ATM: variants seen among roughly 807,000 people sequenced by gnomAD.
The protein encoded by ATM is serine-protein kinase ATM.
A neutral mutation model predicts 387.0 loss-of-function variants in ATM; 308 were observed. That is an observed-to-expected ratio of 0.80 (90% CI 0.73 to 0.87). ATM has a LOEUF of 0.87. Among genes scored for constraint, ATM ranks in the 40% least tolerant of loss-of-function variants. ATM has a pLI of 0.00. For synonymous variants in ATM, 1,156 were observed against 1,187.3 expected (o/e 0.97, Z 0.54); for missense variants, 3,312 against 3,560.9 (o/e 0.93, Z 1.78).
chr11:108,259,197 GTGGAAA>G, intron 16 of ATM, 122 bp downstream of exon 16: 1 of 933,590 alleles, frequency 1.1e-6, no homozygotes, highest in Non-Finnish European at 1.7e-6. Context: ...TTTTACAAAT[GTGGAAA>G]TTAAGGCCAG....
chr11:108,272,919 A>G, intron 22 of ATM, 67 bp downstream of exon 22: 1 of 1,594,056 alleles, frequency 6.3e-7, no homozygotes, highest in East Asian at 2.2e-5. Flanking sequence ...CTTACATAGT[A>G]ACAGCTCACA....
intron 45 of ATM, among the ~76,000 whole-genome samples, chr11:108,323,680 T>C (rs1452550763): frequency 6.6e-6 from 1 of 152,178 alleles, no homozygotes; most frequent in Non-Finnish European, 1.5e-5. Context: ...TGTACAACTA[T>C]TATGTATCCA....
chr11:108,247,251 A>C (rs904484842), intron 8 of ATM, 124 bp downstream of exon 8: 1 of 829,382 alleles, frequency 1.2e-6, no homozygotes, highest in African/African-American at 1.7e-5. Flanking sequence ...TGTACATGCA[A>C]CTATTCCTTT....
rs730881379 is a variant in ATM, at chr11:108,317,427, G to C, written c.6253G>C (p.Asp2085His). 1 of 1,612,104 alleles carries C rather than the reference G, an allele frequency of 6.2e-7. No homozygotes were observed. Among genetic ancestry groups the C allele is most frequent in the Non-Finnish European group, 8.5e-7 (1 of 1,179,162 alleles). ...HILSVYLKGL[D>H]YENKDWCPEL... ...TCTTTCCGTCTATTTAAAAGGATTG[G>C]ATTATGAAAATAAAGACTGGTGTCC... Residue 2085 changes from aspartate to histidine, a missense_variant, in exon 43 of 63, where the codon GAT (aspartate) becomes CAT (histidine). Around this residue, in one of 4 missense-constraint regions of ATM, gnomAD observed 1,405 missense variants for 1,604.4 expected, o/e 0.88. Transcript: ENST00000675843.
Position 108,268,535 on chromosome 11 carries a change from G to C in ATM, c.2764G>C (p.Asp922His), listed in dbSNP as rs786201670. 1 of 1,614,090 alleles carries C rather than the reference G, an allele frequency of 6.2e-7. No individual in the cohort carries two copies. The highest frequency in any genetic ancestry group is 1.7e-5 in the Admixed American group (1 of 60,032). ...CAATACTGTGTCCTTTAGGGCAGCTGATATTCGGAGGAAATTGTTAATGTT... is the reference window on the plus strand; with the variant it reads ...CAATACTGTGTCCTTTAGGGCAGCTCATATTCGGAGGAAATTGTTAATGTT... ...QTNTVSFRAA[D>H]IRRKLLMLID... Residue 922 changes from aspartate (D) to histidine (H), a missense_variant, in exon 18 of 63, where the codon GAT (aspartate) becomes CAT (histidine). This residue lies in a region of ATM where 1,791 missense variants were observed against 1,804.5 expected (regional missense o/e 0.99). Transcript: ENST00000675843.
At position 108,303,138 on chromosome 11, in the gene ATM, G is replaced by A. The variant is rs2083515478; in HGVS notation, c.5496+109G>A. 2.6e-6 allele frequency: 3 copies of A among 1,146,892 alleles called. No homozygotes were observed. In the South Asian group the frequency reaches 4.4e-5, roughly 17 times the overall value. The allele number at this position is 1,146,892 out of a possible 1,614,324, so 71.0% of individuals were successfully genotyped here. On this transcript the variant is annotated intron_variant, in intron 36 of 62. Coordinates refer to ENST00000675843, the MANE Select transcript of ATM (RefSeq NM_000051.4). ...ACATAATATCACCCCCACTCAAACT[G>A]TTGTAAATTTATTAAAGTGAGCATC...
chr11:108,345,720 T>A, intron 57 of ATM, 23 bp from the exon 58 acceptor site: 1 of 1,498,576 alleles, frequency 6.7e-7, no homozygotes, highest in Non-Finnish European at 9.1e-7. Context: ...TGAAAAATAA[T>A]TATATATATT....
intron 40 of ATM, 105 bp from the exon 41 acceptor site, chr11:108,315,718 T>C: frequency 1.3e-6 from 1 of 789,000 alleles, no homozygotes; most frequent in Non-Finnish European, 2.2e-6. Flanking sequence ...AACATAACAT[T>C]TAGAGTTGGG....
At chr11:108,262,113 G>A (rs1160336306) in intron 16 of ATM, among the ~76,000 whole-genome samples, 1 of 151,918 alleles carries the variant, frequency 6.6e-6, no homozygotes, top group Non-Finnish European at 1.5e-5. Context: ...CCAACATTCA[G>A]ATTCAGGAAA....
chr11:108,281,256 C>T (rs2082218019), intron 24 of ATM, 88 bp downstream of exon 24: 3 of 1,352,500 alleles, frequency 2.2e-6, no homozygotes, highest in Non-Finnish European at 3.2e-6. Context: ...CTGAGTGGCA[C>T]TTATTTAAGA....
intron 23 of ATM, among the ~76,000 whole-genome samples, chr11:108,280,206 T>C (rs1057114442): frequency 1.8e-4 from 27 of 152,118 alleles, no homozygotes; most frequent in African/African-American, 6.5e-4. Context: ...TTTCAATAGA[T>C]TAGAAAGATA....
At chr11:108,261,335 G>A (rs538357378) in intron 16 of ATM, among the ~76,000 whole-genome samples, 7 of 152,274 alleles carry the variant, frequency 4.6e-5, no homozygotes, top group East Asian at 1.9e-4. Context: ...CCTGACCCCC[G>A]AACAGCCTAA....
intron 24 of ATM, 141 bp downstream of exon 24, chr11:108,281,309 C>A: frequency 1.2e-6 from 1 of 854,640 alleles, no homozygotes; most frequent in Admixed American, 2.3e-5. Flanking sequence ...TATTGGAAAG[C>A]AGTTATACAA....
Position 108,319,910 on chromosome 11 carries a change from G to A in ATM, c.6348-44G>A, listed in dbSNP as rs773946086. 7.3e-7 allele frequency: 1 copy of A among 1,361,786 alleles called. No individual in the cohort carries two copies. The highest frequency in any genetic ancestry group is 1.2e-5 in the South Asian group (1 of 85,514). 84.4% of individuals were successfully genotyped at this position (1,361,786 alleles called of 1,614,324 possible). On this transcript the variant is annotated intron_variant, in intron 43 of 62. Transcript: ENST00000675843. ...AGCTATTTATACATGTATATCTTAG[G>A]GTTCTGTTTTTAAGTATATTTTTTT...
At chr11:108,267,100 T>A in intron 16 of ATM, 71 bp from the exon 17 acceptor site, 1 of 1,485,448 alleles carries the variant, frequency 6.7e-7, no homozygotes, top group South Asian at 1.2e-5. Context: ...CCAGCCTGAT[T>A]AGGTAAATTT....
chr11:108,365,761 C>G lies in ATM; in HGVS notation c.*253C>G, dbSNP rs1376021171. The G allele has an allele frequency of 6.0e-6, 3 of 502,050 alleles. No individual in the cohort carries two copies. The Admixed American group carries it at 1.0e-4, about 17-fold the overall frequency. The allele number at this position is 502,050 out of a possible 1,614,324, so 31.1% of individuals were successfully genotyped here. A position where few individuals can be genotyped will look rare whatever the true frequency, so the allele number is the denominator to read the frequency against. On this transcript the variant is annotated 3_prime_UTR_variant, in exon 63 of 63. Coordinates refer to ENST00000675843, the MANE Select transcript of ATM (RefSeq NM_000051.4). ...GGGCGCAGCGGCTCACGCCTGTAAT[C>G]CCAGCACTTTGGGAGGCCGAGGTGA...
rs730881290 is a variant in ATM at position 108,292,596 on chromosome 11, GT to G, written c.4437-14del. 1.0e-5 allele frequency: 16 copies of G among 1,567,888 alleles called. No homozygotes were observed. The highest frequency in any genetic ancestry group is 1.7e-4 in the Middle Eastern group (1 of 5,932). ...TTTCCAGAACTTACTGGTTGTTGTT[GT>G]TTTTTTTTCTCCCTATATTAGGCCT... On this transcript the variant is annotated intron_variant, in intron 29 of 62. Coordinates refer to ENST00000675843, the MANE Select transcript of ATM (RefSeq NM_000051.4).
intron 26 of ATM, among the ~76,000 whole-genome samples, chr11:108,286,678 A>G (rs1404978085): frequency 6.6e-6 from 1 of 152,154 alleles, no homozygotes; most frequent in East Asian, 1.9e-4. Flanking sequence ...GAGCATGGAA[A>G]GTTGGGGTTT....
intron 56 of ATM, among the ~76,000 whole-genome samples, chr11:108,341,994 A>C (rs1041340599): frequency 6.6e-6 from 1 of 152,168 alleles, no homozygotes; most frequent in African/African-American, 2.4e-5. Context: ...GACTTGTCCA[A>C]CCCACAGCCT....
Sources: gnomAD v4.1 joint callset for allele counts (sites outside exome capture counted in the v4.1 genomes callset) on GRCh38, gnomAD v4.1.1 for gene constraint, gnomAD v4.1.1 regional missense constraint, MANE v1.5 for transcripts, NCBI Gene and HGNC (gene_info 2026-07-23, HGNC 2026-07-21) for gene names.